DNM2: variants seen among roughly 807,000 people sequenced by gnomAD.
The protein encoded by DNM2 is dynamin-2.
A neutral mutation model predicts 99.0 loss-of-function variants in DNM2; 15 were observed. The ratio of observed to expected loss-of-function variants is 0.15; its 90% CI spans 0.10 to 0.23. The LOEUF (loss-of-function observed/expected upper bound fraction) is 0.23, where lower values mean the gene tolerates loss of function less well. DNM2 is among the 10% of genes least tolerant of loss of function. DNM2 has a pLI of 1.00. For missense variants in DNM2, 742 were observed against 1,189.4 expected (o/e 0.62, Z 5.53); for synonymous variants, 525 against 481.2 (o/e 1.09, Z -1.19).
In DNM2 at chr19:10,775,558, AGGTGTG is replaced by A; in HGVS notation, c.386-143_386-138del. On this transcript the variant is annotated intron_variant, in intron 3 of 20. Transcript: ENST00000389253. This position sits in a 1 kb window ranked among gnomAD's most constrained non-coding sequence, Gnocchi z 4.3. ...CCTAGAAGGGGAGTTACTGGATCAA[AGGTGTG>A]GTTCAGGCAGAGTGTCAGGCGACAT... 1.2e-6 allele frequency: 1 copy of A among 867,820 alleles called. No individual in the cohort carries two copies. The highest frequency in any genetic ancestry group is 1.3e-5 in the South Asian group (1 of 75,388). 53.8% of individuals were successfully genotyped at this position (867,820 alleles called of 1,614,324 possible). A position where few individuals can be genotyped will look rare whatever the true frequency, so the allele number is the denominator to read the frequency against.
chr19:10,793,954 T>A lies in DNM2; in HGVS notation c.1128+99T>A, dbSNP rs1190264085. 2.5e-6 allele frequency: 4 copies of A among 1,589,800 alleles called. No homozygotes were observed. The East Asian group carries it at 8.9e-5, about 36-fold the overall frequency. ...CCCAGGCAATAAGGTCTCAAGCTCC[T>A]ACCTCTAGGCCTGAACTTGTGGTGG... On this transcript the variant is annotated intron_variant, in intron 8 of 20. Coordinates refer to ENST00000389253, the MANE Select transcript of DNM2 (RefSeq NM_001005361.3).
intron 8 of DNM2, among the ~76,000 whole-genome samples, chr19:10,794,065 C>T (rs906207200): frequency 2.6e-5 from 4 of 152,188 alleles, no homozygotes; most frequent in African/African-American, 9.7e-5. Context: ...AATATGAAAA[C>T]CCCTGTGTTT....
intron 15 of DNM2, among the ~76,000 whole-genome samples, chr19:10,814,318 A>G (rs1224716263): frequency 1.3e-5 from 2 of 150,576 alleles, no homozygotes; most frequent in East Asian, 4.0e-4. Flanking sequence ...TACAAAATTA[A>G]TCTGGCGTGG....
chr19:10,788,855 C>T (rs955148080), intron 7 of DNM2, among the ~76,000 whole-genome samples: 1 of 152,232 alleles, frequency 6.6e-6, no homozygotes, highest in African/African-American at 2.4e-5. Context: ...GCACTTCCCA[C>T]AGGGACACCA....
At chr19:10,778,803 G>A (rs924973175) in intron 5 of DNM2, among the ~76,000 whole-genome samples, 8 of 152,182 alleles carry the variant, frequency 5.3e-5, no homozygotes, top group African/African-American at 1.9e-4. Context: ...CCACATTTGG[G>A]ATTTGGCCAA....
chr19:10,780,782 G>A (rs2071341099), intron 5 of DNM2, among the ~76,000 whole-genome samples: 1 of 152,054 alleles, frequency 6.6e-6, no homozygotes, highest in Admixed American at 6.6e-5. Flanking sequence ...AATTATCCAG[G>A]CTGGGCACAG....
At chr19:10,727,851 GAAC>G (rs1475350656) in intron 1 of DNM2, among the ~76,000 whole-genome samples, 1 of 152,116 alleles carries the variant, frequency 6.6e-6, no homozygotes, top group Admixed American at 6.6e-5. Flanking sequence ...AAAAAAGTGA[GAAC>G]ATCATGTAAA....
rs1296624204 is a variant in DNM2 at position 10,830,492 on chromosome 19, A to G, written c.2543+114A>G. On this transcript the variant is annotated intron_variant, in intron 20 of 20. Transcript: ENST00000389253. This position sits in a 1 kb window ranked among gnomAD's most constrained non-coding sequence, Gnocchi z 4.8. ...CGTGCCCAGCTGCTGGAGTGGAGGA[A>G]TCGTCCTCATCCCTATTTGGCTTGC... 2.4e-6 allele frequency: 3 copies of G among 1,227,520 alleles called. No individual in the cohort carries two copies. Among genetic ancestry groups the G allele is most frequent in the African/African-American group, 3.0e-5 (2 of 66,812 alleles). 76.0% of individuals were successfully genotyped at this position (1,227,520 alleles called of 1,614,324 possible).
Position 10,720,137 on chromosome 19 carries a change from C to G in DNM2, c.161+1734C>G, listed in dbSNP as rs185962175. Reference sequence around the variant, plus strand: ...TCTGTCTCTTTCACTTGCCTTGTGACCTTGCACAGGTTGTCTTGGCCTCTC... The same window carrying G: ...TCTGTCTCTTTCACTTGCCTTGTGAGCTTGCACAGGTTGTCTTGGCCTCTC... On this transcript the variant is annotated intron_variant, in intron 1 of 20. Transcript: ENST00000389253. Among the ~76,000 whole-genome samples the G allele has an allele frequency of 5.9e-5, 9 of 152,196 alleles. No individual in the cohort carries two copies. In the East Asian group the frequency reaches 1.7e-3, roughly 29 times the overall value.
In DNM2 at chr19:10,830,081, C is replaced by T. The variant is rs751109629; in HGVS notation, c.2292-46C>T. 9 of 1,613,584 alleles carry T rather than the reference C, an allele frequency of 5.6e-6. No individual in the cohort carries two copies. Among genetic ancestry groups the T allele is most frequent in the South Asian group, 3.3e-5 (3 of 91,086 alleles). On this transcript the variant is annotated intron_variant, in intron 19 of 20. Coordinates refer to ENST00000389253, the MANE Select transcript of DNM2 (RefSeq NM_001005361.3). This position sits in a 1 kb window ranked among gnomAD's most constrained non-coding sequence, Gnocchi z 4.8. ...CAGCCACAGTGGCATGGCGGGGGCT[C>T]CTACTCCATCTGTATCTGTAGCTCA...
At chr19:10,791,587 C>T (rs984825567) in intron 7 of DNM2, among the ~76,000 whole-genome samples, 1 of 152,150 alleles carries the variant, frequency 6.6e-6, no homozygotes, top group Non-Finnish European at 1.5e-5. Context: ...GATTGTGCAG[C>T]GTGGGTTGGG....
chr19:10,738,743 GC>G (rs2069625031), intron 1 of DNM2, among the ~76,000 whole-genome samples: 1 of 152,024 alleles, frequency 6.6e-6, no homozygotes, highest in African/African-American at 2.4e-5. Context: ...GGTGGTGGGT[GC>G]CTGTAATCCC....
At chr19:10,746,717 C>CTTTTT (rs1279869201) in intron 1 of DNM2, among the ~76,000 whole-genome samples, 9 of 103,192 alleles carry the variant, frequency 8.7e-5, no homozygotes, top group Admixed American at 1.2e-4. Flanking sequence ...ACCGTGCCGG[C>CTTTTT]TTTTTTTTTG....
At chr19:10,774,123 A>C (rs1189180078) in intron 3 of DNM2, among the ~76,000 whole-genome samples, 1 of 152,210 alleles carries the variant, frequency 6.6e-6, no homozygotes, top group African/African-American at 2.4e-5. Context: ...TTTTGCACAC[A>C]TATTTTAGGT....
chr19:10,815,771 C>T (rs2072715438), intron 15 of DNM2, among the ~76,000 whole-genome samples: 1 of 152,172 alleles, frequency 6.6e-6, no homozygotes, highest in African/African-American at 2.4e-5. Flanking sequence ...GCTCTCTTCC[C>T]CTTGGGTTTG....
At chr19:10,738,870 CAAAA>C (rs1007919897) in intron 1 of DNM2, among the ~76,000 whole-genome samples, 1 of 66,516 alleles carries the variant, frequency 1.5e-5, no homozygotes, top group African/African-American at 5.9e-5. Flanking sequence ...AACTCCATCG[CAAAA>C]AAAAAAAAAA....
intron 1 of DNM2, among the ~76,000 whole-genome samples, chr19:10,729,164 C>A (rs1345869104): frequency 3.4e-4 from 15 of 44,422 alleles, no homozygotes; most frequent in South Asian, 2.3e-3. Flanking sequence ...GACTCCGTCT[C>A]AAAAAAAAAA....
At chr19:10,823,720 C>G (rs1038996453) in intron 16 of DNM2, 68 bp from the exon 17 acceptor site, 6 of 1,503,558 alleles carry the variant, frequency 4.0e-6, no homozygotes, top group Non-Finnish European at 5.6e-6. Flanking sequence ...AGAGCCCATT[C>G]CTCTCGGCAG....
chr19:10,795,704 G>A lies in DNM2; in HGVS notation c.1196+265G>A, dbSNP rs1482172834. On this transcript the variant is annotated intron_variant, in intron 9 of 20. Coordinates refer to ENST00000389253, the MANE Select transcript of DNM2 (RefSeq NM_001005361.3). The surrounding 1 kb of genome is among the most constrained non-coding windows in gnomAD (Gnocchi z 4.2). ...CTTAGTTCCTGCCCAGTCGGTTGGT[G>A]TGAACCTCATGCTAAACTAAGAATG... The A allele has an allele frequency of 3.2e-5, 19 of 586,164 alleles. No individual in the cohort carries two copies. In the East Asian group the frequency reaches 3.8e-4, roughly 12 times the overall value. 36.3% of individuals were successfully genotyped at this position (586,164 alleles called of 1,614,324 possible).
Sources: gnomAD v4.1 joint callset for allele counts (sites outside exome capture counted in the v4.1 genomes callset) on GRCh38, gnomAD v4.1.1 for gene constraint, Gnocchi (gnomAD v3.1) non-coding constraint, MANE v1.5 for transcripts, NCBI Gene and HGNC (gene_info 2026-07-23, HGNC 2026-07-21) for gene names.